The following CUL9 variants were observed in gnomAD, a reference collection of about 807,000 sequenced individuals.
CUL9 encodes cullin-9.
CUL9 carries 79 observed loss-of-function variants against 272.6 expected under a neutral mutation model. The observed-to-expected ratio is 0.29, with a 90% confidence interval of 0.24 to 0.35. The LOEUF (loss-of-function observed/expected upper bound fraction) is 0.35, where lower values mean the gene tolerates loss of function less well. Among genes scored for constraint, CUL9 ranks in the 10% least tolerant of loss-of-function variants. CUL9 has a pLI of 1.00. For synonymous variants in CUL9, 1,186 were observed against 1,286.5 expected, an observed-to-expected ratio of 0.92 and a Z score of 1.67; for missense variants, 2,532 against 3,255.6, an observed-to-expected ratio of 0.78 and a Z score of 5.41.
intron 8 of CUL9, 89 bp from the exon 9 acceptor site, chr6:43,192,912 G>A: frequency 7.1e-6 from 8 of 1,129,694 alleles, no homozygotes; most frequent in Admixed American, 1.8e-5. Flanking sequence ...TGGTGGATGG[G>A]ATTGGTCAGG....
At position 43,186,213 on chromosome 6, in the gene CUL9, A is replaced by C. The variant is rs766498881; in HGVS notation, c.1009A>C (p.Ile337Leu). The change falls in exon 4 of 41, where the codon ATC becomes CTC. Residue 337 changes from isoleucine to leucine, a missense_variant. Physicochemically the swap from Ile to Leu is conservative, Grantham distance 5. Around this residue, in one of 3 missense-constraint regions of CUL9, gnomAD observed 2,218 missense variants for 2,788.6 expected, o/e 0.80. Transcript: ENST00000252050. ...GTCACCTCCCCGGCCAACCCGGTCC[A>C]TCTTTCAGCCCTACATTTCAGGCCC... The part of the protein sequence containing the change: ...GMSPPRPTRS[I>L]FQPYISGPSL... 6 of 1,614,232 alleles carry C rather than the reference A, an allele frequency of 3.7e-6. No homozygotes were observed. Among genetic ancestry groups the C allele is most frequent in the Non-Finnish European group, 5.1e-6 (6 of 1,180,046 alleles).
At position 43,200,467 on chromosome 6, in the gene CUL9, G is replaced by A. The variant is rs368459988; in HGVS notation, c.3416G>A (p.Arg1139Gln). 2.0e-5 allele frequency: 32 copies of A among 1,614,072 alleles called. No homozygotes were observed. Among genetic ancestry groups the A allele is most frequent in the Non-Finnish European group, 2.6e-5 (31 of 1,180,016 alleles). ...MVLGQIEDHR[R>Q]THQPINIPFF... The stretch of plus-strand genomic sequence containing the variant: ...CTGGGCCAGATCGAAGACCACAGAC[G>A]AACCCACCAACCCATCAATATCCCC... Residue 1139 changes from arginine to glutamine, a missense_variant, in exon 15 of 41, where the codon CGA becomes CAA. Physicochemically the swap from Arg to Gln is conservative, Grantham distance 43. Around this residue, in one of 3 missense-constraint regions of CUL9, gnomAD observed 2,218 missense variants for 2,788.6 expected, o/e 0.80. Transcript: ENST00000252050. The surrounding 1 kb of genome is among the most constrained non-coding windows in gnomAD (Gnocchi z 4.0).
chr6:43,185,037 A>C, intron 2 of CUL9, 132 bp downstream of exon 2: 1 of 709,912 alleles, frequency 1.4e-6, no homozygotes, highest in Non-Finnish European at 2.3e-6. Flanking sequence ...CAAAGGAAAA[A>C]ATATAGATTA....
chr6:43,202,684 C>CAGCTTT, intron 16 of CUL9, 32 bp from the exon 17 acceptor site: 1 of 1,596,950 alleles, frequency 6.3e-7, no homozygotes, highest in Non-Finnish European at 8.6e-7. Flanking sequence ...TCCAGAGGCC[C>CAGCTTT]AGCTTTGACT....
At position 43,223,429 on chromosome 6, in the gene CUL9, G is replaced by T. The variant is rs1289625738; in HGVS notation, c.7284+32G>T. ...CCCGGCCCAGACCCCTTCTGCTCCT[G>T]CATTCTGCGGGAGTTGAGGTCCTCC... On this transcript the variant is annotated intron_variant, in intron 39 of 40. Coordinates refer to ENST00000252050, the MANE Select transcript of CUL9 (RefSeq NM_015089.4). The surrounding 1 kb of genome is among the most constrained non-coding windows in gnomAD (Gnocchi z 4.1). The T allele has an allele frequency of 6.4e-7, 1 of 1,560,424 alleles. No homozygotes were observed. Among genetic ancestry groups the T allele is most frequent in the Non-Finnish European group, 8.7e-7 (1 of 1,148,156 alleles).
intron 20 of CUL9, 48 bp from the exon 21 acceptor site, chr6:43,204,312 G>T: frequency 6.2e-7 from 1 of 1,600,822 alleles, no homozygotes; most frequent in Non-Finnish European, 8.6e-7. Flanking sequence ...TGAGCTGTCT[G>T]TTCTCCCATC....
At chr6:43,217,298 A>C (rs1776014520) in intron 31 of CUL9, among the ~76,000 whole-genome samples, 1 of 152,206 alleles carries the variant, frequency 6.6e-6, no homozygotes, top group African/African-American at 2.4e-5. Context: ...CGGAGGCTGC[A>C]GTGAGCCAGT....
rs758102425 is a variant in CUL9, at chr6:43,184,431, C to T, written c.121C>T (p.Arg41Ter). ...TGACGGGCATCCTGAATACCTGATCCGATGGAGTGTCCTGAAGTGTGGGGA... is the reference window on the plus strand; with the variant it reads ...TGACGGGCATCCTGAATACCTGATCTGATGGAGTGTCCTGAAGTGTGGGGA... ...GHDGHPEYLI[R>*]WSVLKCGEVG... Residue 41 changes from arginine to a stop codon, truncating the protein, a stop_gained, in exon 2 of 41, where the codon CGA (arginine) becomes TGA (stop). Transcript: ENST00000252050. LOFTEE classifies it high-confidence loss of function. This position sits in a 1 kb window ranked among gnomAD's most constrained non-coding sequence, Gnocchi z 4.8. The T allele has an allele frequency of 6.8e-6, 11 of 1,613,672 alleles. No homozygotes were observed. The highest frequency in any genetic ancestry group is 2.7e-5 in the African/African-American group (2 of 74,888).
At position 43,196,122 on chromosome 6, in the gene CUL9, T is replaced by C. The variant is rs773062775; in HGVS notation, c.2442T>C (p.Thr814=). 1.9e-6 allele frequency: 3 copies of C among 1,614,162 alleles called. No homozygotes were observed. The highest frequency in any genetic ancestry group is 2.5e-6 in the Non-Finnish European group (3 of 1,179,992). The change falls in exon 10 of 41, where the codon ACT becomes ACC. Residue 814 remains threonine (T), a synonymous_variant. Coordinates refer to ENST00000252050, the MANE Select transcript of CUL9 (RefSeq NM_015089.4). ...ASSSEIPTFV[T]GRDSIHSLFD... is the part of the protein sequence containing the mutation. ...CCTCGGAGATCCCCACTTTTGTTAC[T>C]GGCCGAGATTCTATCCACTCTTTGT... is the stretch of plus-strand genomic sequence containing the variant.
In CUL9 at chr6:43,204,520, T is replaced by G; in HGVS notation, c.4320T>G (p.Pro1440=). The G allele has an allele frequency of 2.5e-6, 4 of 1,614,132 alleles. No homozygotes were observed. Among genetic ancestry groups the G allele is most frequent in the Non-Finnish European group, 3.4e-6 (4 of 1,180,028 alleles). The change falls in exon 21 of 41, where the codon CCT becomes CCG. Residue 1440 remains proline, a synonymous_variant. Transcript: ENST00000252050. ...TGGAACCTCCTCCTGGGCCTTCTCCTGAGCCATCCACTCGGCCCTGTAAGT... is the reference window on the plus strand; with the variant it reads ...TGGAACCTCCTCCTGGGCCTTCTCCGGAGCCATCCACTCGGCCCTGTAAGT... ...VHVEPPPGPS[P]EPSTRPFSKN...
chr6:43,185,358 A>G (rs1040393163), intron 2 of CUL9, 98 bp from the exon 3 acceptor site: 1 of 1,290,776 alleles, frequency 7.7e-7, no homozygotes, highest in Non-Finnish European at 1.1e-6. Context: ...CTTAGTAACA[A>G]AGTTTGAAAG....
At chr6:43,185,897 A>C in intron 3 of CUL9, 58 bp from the exon 4 acceptor site, 1 of 1,532,428 alleles carries the variant, frequency 6.5e-7, no homozygotes, top group Non-Finnish European at 8.8e-7. Context: ...TACTTCAGGG[A>C]AGGGGAGAGG....
intron 2 of CUL9, among the ~76,000 whole-genome samples, 167 bp from the exon 3 acceptor site, chr6:43,185,289 G>C (rs1772803141): frequency 6.6e-6 from 1 of 152,200 alleles, no homozygotes; most frequent in Admixed American, 6.5e-5. Flanking sequence ...ATATGTTTCA[G>C]TTATATGTAT....
intron 26 of CUL9, among the ~76,000 whole-genome samples, chr6:43,212,545 TG>T (rs1426104601): frequency 1.3e-5 from 2 of 152,224 alleles, no homozygotes; most frequent in Admixed American, 1.3e-4. Flanking sequence ...AATAATATGG[TG>T]GTTCTCTAGT....
At position 43,206,167 on chromosome 6, in the gene CUL9, C is replaced by T; in HGVS notation, c.4954C>T (p.Leu1652Phe). The change falls in exon 25 of 41, where the codon CTC (leucine) becomes TTC (phenylalanine). Residue 1652 changes from leucine (L) to phenylalanine (F), a missense_variant. By Grantham distance (22) the Leu-to-Phe change is conservative. Transcript: ENST00000252050. The surrounding 1 kb of genome is among the most constrained non-coding windows in gnomAD (Gnocchi z 4.8). ...GCAGCGCCAGTTCCACCTCTTCCAG[C>T]TCCAGCGGCTCGACAAGTTGTTCTT... is the stretch of plus-strand genomic sequence containing the variant. ...ELQRQFHLFQ[L>F]QRLDKLFLEQ... The T allele has an allele frequency of 6.2e-7, 1 of 1,613,808 alleles. No individual in the cohort carries two copies. The highest frequency in any genetic ancestry group is 2.2e-5 in the East Asian group (1 of 44,874).
rs1775671066 is a variant in CUL9 at position 43,213,326 on chromosome 6, TCTG to T, written c.5358+35_5358+37del. 6.2e-7 allele frequency: 1 copy of T among 1,612,710 alleles called. No individual in the cohort carries two copies. Among genetic ancestry groups the T allele is most frequent in the Non-Finnish European group, 8.5e-7 (1 of 1,179,080 alleles). ...CAGCCCTTAGCCTCTCTCTGCCTTC[TCTG>T]CTACCTTATCTGTCGCTGTTCTCCT... On this transcript the variant is annotated intron_variant, in intron 27 of 40. Coordinates refer to ENST00000252050, the MANE Select transcript of CUL9 (RefSeq NM_015089.4). This position sits in a 1 kb window ranked among gnomAD's most constrained non-coding sequence, Gnocchi z 5.7.
chr6:43,194,412 G>A (rs778539394), intron 9 of CUL9, among the ~76,000 whole-genome samples: 11 of 151,598 alleles, frequency 7.3e-5, no homozygotes, highest in African/African-American at 1.2e-4. Flanking sequence ...TCTGCCTCCC[G>A]AGTTCAAGCG....
At chr6:43,197,878 A>T (rs1270098056) in intron 11 of CUL9, among the ~76,000 whole-genome samples, 3 of 152,346 alleles carry the variant, frequency 2.0e-5, no homozygotes, top group South Asian at 4.1e-4. Context: ...TTAGATATTG[A>T]TACTGGGGAA....
Position 43,221,958 on chromosome 6 carries a change from A to G in CUL9, c.6846+180A>G. The G allele has an allele frequency of 1.6e-6, 1 of 613,366 alleles. No homozygotes were observed. The highest frequency in any genetic ancestry group is 2.9e-6 in the Non-Finnish European group (1 of 350,024). The allele number at this position is 613,366 out of a possible 1,614,324, so 38.0% of individuals were successfully genotyped here. ...TGCAGATGCTGGAAAGTCTGTTCAC[A>G]GGGACCTTCAGCTCCAGAACAGGAC... On this transcript the variant is annotated intron_variant, in intron 35 of 40. Coordinates refer to ENST00000252050, the MANE Select transcript of CUL9 (RefSeq NM_015089.4). This position sits in a 1 kb window ranked among gnomAD's most constrained non-coding sequence, Gnocchi z 4.2.
Sources: gnomAD v4.1 joint callset for allele counts (sites outside exome capture counted in the v4.1 genomes callset) on GRCh38, gnomAD v4.1.1 for gene constraint, gnomAD v4.1.1 regional missense constraint, Gnocchi (gnomAD v3.1) non-coding constraint, MANE v1.5 for transcripts, NCBI Gene and HGNC (gene_info 2026-07-23, HGNC 2026-07-21) for gene names.